The following SRBD1 variants were observed in gnomAD, a reference collection of about 807,000 sequenced individuals.
The protein encoded by SRBD1 is S1 RNA binding domain 1.
In SRBD1, 88 loss-of-function variants were observed where a neutral mutation model predicts 115.3. That is an observed-to-expected ratio of 0.76 (90% CI 0.64 to 0.91). The LOEUF is 0.91. SRBD1 is among the 40% of genes least tolerant of loss of function. SRBD1 has a pLI of 0.00. For missense variants in SRBD1, 1,385 were observed against 1,177.4 expected, an observed-to-expected ratio of 1.18 and a Z score of -2.58; for synonymous variants, 509 against 407.7, an observed-to-expected ratio of 1.25 and a Z score of -2.99.
intron 14 of SRBD1, among the ~76,000 whole-genome samples, chr2:45,534,940 C>T (rs1199946435): frequency 1.3e-5 from 2 of 151,752 alleles, no homozygotes. Context: ...AAAAGAAACC[C>T]GAGAAATCAT....
chr2:45,605,685 C>G (rs1674245985), intron 1 of SRBD1, among the ~76,000 whole-genome samples: 1 of 152,104 alleles, frequency 6.6e-6, no homozygotes, highest in South Asian at 2.1e-4. Context: ...GGGCGGATCA[C>G]CTGAAGTCAG....
In SRBD1 at chr2:45,542,437, G is replaced by A. The variant is rs1671974827; in HGVS notation, c.1874+4295C>T. ...CTGCAACTGCGCCCAGGAGCATGGG[G>A]CTCCTCTGCCCCACTAACCTGGTAG... On this transcript the variant is annotated intron_variant, in intron 14 of 20. Transcript: ENST00000263736. Among the ~76,000 whole-genome samples, 3 of 152,176 alleles carry A rather than the reference G, an allele frequency of 2.0e-5. No individual in the cohort carries two copies. The South Asian group carries it at 6.2e-4, about 31-fold the overall frequency.
At chr2:45,584,244 G>A (rs770221286) in intron 5 of SRBD1, among the ~76,000 whole-genome samples, 1 of 152,194 alleles carries the variant, frequency 6.6e-6, no homozygotes, top group Admixed American at 6.5e-5. Context: ...AGACAACCCT[G>A]CATGACAGTA....
chr2:45,493,182 G>C lies in SRBD1; in HGVS notation c.1875-4851C>G, dbSNP rs987387444. Among the ~76,000 whole-genome samples, 8 of 152,166 alleles carry C rather than the reference G, an allele frequency of 5.3e-5. 1 individual carries two copies. The highest frequency in any genetic ancestry group is 2.0e-4 in the Admixed American group (3 of 15,282). On this transcript the variant is annotated intron_variant, in intron 14 of 20. Transcript: ENST00000263736. ...TATCTAAAAAACATTCTTCCAACTT[G>C]TCAGACTGAGAAACATATCGTGAGA... is the stretch of plus-strand genomic sequence containing the variant.
chr2:45,478,786 C>T (rs761383486), intron 15 of SRBD1, among the ~76,000 whole-genome samples: 1 of 151,964 alleles, frequency 6.6e-6, no homozygotes, highest in Non-Finnish European at 1.5e-5. Context: ...CAACAAAAAC[C>T]CCCACAACAG....
At chr2:45,575,941 T>C (rs1287329040) in intron 7 of SRBD1, among the ~76,000 whole-genome samples, 1 of 152,190 alleles carries the variant, frequency 6.6e-6, no homozygotes, top group African/African-American at 2.4e-5. Flanking sequence ...TGACCTCAAG[T>C]GATCTGCCCC....
At chr2:45,607,230 C>A (rs1291359024) in intron 1 of SRBD1, among the ~76,000 whole-genome samples, 5 of 151,968 alleles carry the variant, frequency 3.3e-5, no homozygotes, top group Non-Finnish European at 2.9e-5. Flanking sequence ...CTTACCACAA[C>A]AAAATAAGAA....
chr2:45,436,080 G>A (rs1014022657), intron 16 of SRBD1, among the ~76,000 whole-genome samples: 2 of 151,766 alleles, frequency 1.3e-5, no homozygotes, highest in African/African-American at 4.8e-5. Context: ...ATATATCTCA[G>A]GTATGCAAGT....
intron 14 of SRBD1, among the ~76,000 whole-genome samples, chr2:45,536,319 T>C (rs1243811287): frequency 4.6e-5 from 7 of 151,416 alleles, no homozygotes; most frequent in Admixed American, 2.0e-4. Context: ...TTCCTTTCTT[T>C]TTTTTCTTCT....
In SRBD1 at chr2:45,571,730, G is replaced by A. The variant is rs1005895375; in HGVS notation, c.1305+1477C>T. ...AGAACAAAATAGAAATTACGGAGCT[G>A]AAAAGTACAATGACTGAAATAAAAA... On this transcript the variant is annotated intron_variant, in intron 9 of 20. Transcript: ENST00000263736. 4.6e-5 allele frequency among the ~76,000 whole-genome samples: 7 copies of A among 152,016 alleles called. No homozygotes were observed. In the East Asian group the frequency reaches 1.3e-3, roughly 29 times the overall value.
intron 14 of SRBD1, among the ~76,000 whole-genome samples, chr2:45,498,723 CAT>C (rs1186553699): frequency 2.0e-5 from 3 of 152,126 alleles, no homozygotes; most frequent in East Asian, 3.8e-4. Flanking sequence ...TTTTGTCTCC[CAT>C]ATGAGTGAGA....
intron 4 of SRBD1, among the ~76,000 whole-genome samples, chr2:45,597,924 TCA>T (rs1426056436): frequency 6.6e-6 from 1 of 152,160 alleles, no homozygotes; most frequent in Non-Finnish European, 1.5e-5. Flanking sequence ...ACCAGAGACT[TCA>T]CAGTCTAAAA....
chr2:45,479,421 G>A (rs1208248135), intron 15 of SRBD1, among the ~76,000 whole-genome samples: 1 of 152,114 alleles, frequency 6.6e-6, no homozygotes, highest in East Asian at 1.9e-4. Flanking sequence ...TTAAAAGTGT[G>A]ACTCCAGTGG....
chr2:45,607,061 G>C (rs915123056), intron 1 of SRBD1, among the ~76,000 whole-genome samples: 2 of 152,140 alleles, frequency 1.3e-5, no homozygotes, highest in Non-Finnish European at 2.9e-5. Flanking sequence ...AAGAACAACA[G>C]GAAAGCAGTC....
chr2:45,538,749 G>C (rs1405008464), intron 14 of SRBD1, among the ~76,000 whole-genome samples: 1 of 152,094 alleles, frequency 6.6e-6, no homozygotes, highest in Non-Finnish European at 1.5e-5. Flanking sequence ...GACATTTATA[G>C]GTGATAAATA....
chr2:45,499,228 T>A (rs1183694929), intron 14 of SRBD1, among the ~76,000 whole-genome samples: 2 of 152,176 alleles, frequency 1.3e-5, no homozygotes, highest in African/African-American at 4.8e-5. Flanking sequence ...GTTTTAATTT[T>A]CATTTCTTTG....
chr2:45,585,973 C>A (rs1252157153), intron 4 of SRBD1, among the ~76,000 whole-genome samples, 199 bp from the exon 5 acceptor site: 1 of 152,060 alleles, frequency 6.6e-6, no homozygotes, highest in Admixed American at 6.6e-5. Context: ...TTCACAAATT[C>A]AATAAAATCT....
intron 5 of SRBD1, among the ~76,000 whole-genome samples, chr2:45,582,393 G>T (rs187383997): frequency 6.6e-6 from 1 of 152,094 alleles, no homozygotes; most frequent in African/African-American, 2.4e-5. Context: ...ATTTTGATTT[G>T]TCTCATTACT....
chr2:45,448,241 G>A (rs1266427396), intron 16 of SRBD1: 1 of 152,020 alleles, frequency 6.6e-6, no homozygotes, highest in Admixed American at 6.6e-5. Flanking sequence ...ATCTCTTTGT[G>A]CTTCAAGTTG....
Sources: gnomAD v4.1 joint callset for allele counts (sites outside exome capture counted in the v4.1 genomes callset) on GRCh38, gnomAD v4.1.1 for gene constraint, MANE v1.5 for transcripts, NCBI Gene and HGNC (gene_info 2026-07-23, HGNC 2026-07-21) for gene names.